Variants in SLC26A7 observed in about 807,000 individuals in gnomAD.
SLC26A7 encodes the protein anion exchange transporter.
SLC26A7 carries 59 observed loss-of-function variants against 82.5 expected under a neutral mutation model. The observed-to-expected ratio is 0.72, with a 90% CI of 0.58 to 0.89. The LOEUF is 0.89. SLC26A7 is among the 40% of genes least tolerant of loss of function. SLC26A7 has a pLI of 0.00. For missense variants in SLC26A7, 820 were observed against 793.0 expected (o/e 1.03, Z -0.41); for synonymous variants, 271 against 274.3 (o/e 0.99, Z 0.12).
intron 3 of SLC26A7, among the ~76,000 whole-genome samples, chr8:91,293,405 G>T (rs550284324): frequency 6.6e-6 from 1 of 152,308 alleles, no homozygotes; most frequent in South Asian, 2.1e-4. Flanking sequence ...AATATAGAAT[G>T]TCATCCACAA....
intron 2 of SLC26A7, among the ~76,000 whole-genome samples, chr8:91,233,335 G>A (rs373641954): frequency 5.3e-4 from 81 of 152,262 alleles, no homozygotes; most frequent in African/African-American, 1.9e-3. Context: ...GGGAGGCCGA[G>A]GCAGGTGGAT....
At chr8:91,240,472 T>G (rs752278876) in intron 2 of SLC26A7, among the ~76,000 whole-genome samples, 2 of 152,176 alleles carry the variant, frequency 1.3e-5, no homozygotes, top group Non-Finnish European at 1.5e-5. Flanking sequence ...TTTCTTAAAA[T>G]TTTGCATTTT....
intron 2 of SLC26A7, among the ~76,000 whole-genome samples, chr8:91,236,935 A>G (rs923941565): frequency 6.6e-6 from 1 of 152,216 alleles, no homozygotes; most frequent in Non-Finnish European, 1.5e-5. Context: ...CTGTAACAAC[A>G]TTTGTGCTTT....
rs1227815557 is a variant in SLC26A7 at position 91,395,211 on chromosome 8, A to G, written c.*114A>G. The G allele has an allele frequency of 5.2e-6, 8 of 1,548,118 alleles. No individual in the cohort carries two copies. The highest frequency in any genetic ancestry group is 7.0e-6 in the Non-Finnish European group (8 of 1,150,430). ...GATCCTACAGATGACCTCTGCTACA[A>G]TAAGTACGATGTGACTTAGTAACTG... On this transcript the variant is annotated 3_prime_UTR_variant, in exon 19 of 19. Coordinates refer to ENST00000276609, the MANE Select transcript of SLC26A7 (RefSeq NM_052832.4).
At chr8:91,223,309 G>A (rs1391601418) in intron 2 of SLC26A7, among the ~76,000 whole-genome samples, 1 of 151,880 alleles carries the variant, frequency 6.6e-6, no homozygotes. Flanking sequence ...TTTTTGGAGG[G>A]TTTTTCATGT....
At chr8:91,280,523 C>T (rs3923274) in intron 2 of SLC26A7, among the ~76,000 whole-genome samples, 15,592 of 152,220 alleles carry the variant, frequency 0.1, 921 homozygotes, top group Middle Eastern at 0.2. Context: ...TTGTTCCCCT[C>T]GTGCTCTATT....
At chr8:91,243,963 A>G (rs949646853) in intron 2 of SLC26A7, among the ~76,000 whole-genome samples, 1 of 152,246 alleles carries the variant, frequency 6.6e-6, no homozygotes, top group African/African-American at 2.4e-5. Flanking sequence ...GAATAACTGA[A>G]GGAACTTAGT....
At chr8:91,357,833 A>G (rs1372334561) in intron 11 of SLC26A7, among the ~76,000 whole-genome samples, 3 of 152,212 alleles carry the variant, frequency 2.0e-5, no homozygotes, top group Non-Finnish European at 4.4e-5. Context: ...ACCTACAAAA[A>G]TGGGAGAAAA....
At position 91,315,859 on chromosome 8, in the gene SLC26A7, G is replaced by A. The variant is rs535638117; in HGVS notation, c.478-2357G>A. On this transcript the variant is annotated intron_variant, in intron 4 of 18. Transcript: ENST00000276609. Reference sequence around the variant, plus strand: ...ACATCATAGGTTAAACATTTTACAGGTTTCGAATACCTTGCATGTATTATT... The same window carrying A: ...ACATCATAGGTTAAACATTTTACAGATTTCGAATACCTTGCATGTATTATT... Among the ~76,000 whole-genome samples the A allele has an allele frequency of 2.6e-5, 4 of 152,172 alleles. No individual in the cohort carries two copies. In the South Asian group the frequency reaches 8.3e-4, roughly 32 times the overall value.
chr8:91,366,101 T>A (rs1159013535), intron 13 of SLC26A7, among the ~76,000 whole-genome samples: 3 of 152,206 alleles, frequency 2.0e-5, no homozygotes, highest in African/African-American at 7.2e-5. Flanking sequence ...GTCTTCAAAT[T>A]AGGACTGTTA....
chr8:91,266,726 CTTTA>C (rs1267928119), intron 2 of SLC26A7, among the ~76,000 whole-genome samples: 2 of 151,818 alleles, frequency 1.3e-5, no homozygotes, highest in African/African-American at 4.8e-5. Flanking sequence ...TTTGAATGCC[CTTTA>C]TTTGTTTCTC....
chr8:91,352,686 A>G (rs1813749805), intron 10 of SLC26A7, among the ~76,000 whole-genome samples: 1 of 152,084 alleles, frequency 6.6e-6, no homozygotes, highest in Non-Finnish European at 1.5e-5. Context: ...AATTGTACAA[A>G]TATTACCTTA....
At chr8:91,259,246 C>T (rs572957946) in intron 2 of SLC26A7, among the ~76,000 whole-genome samples, 121 of 152,158 alleles carry the variant, frequency 8.0e-4, no homozygotes, top group Non-Finnish European at 1.2e-3. Context: ...CAACAATAGG[C>T]TGAAGTTGAC....
In SLC26A7 at chr8:91,289,159, T is replaced by C; in HGVS notation, c.217T>C (p.Ser73Pro). ...AGGATTGGCCTTTGCTGTTCTCTCA[T>C]CTGTGCACCCAGTGTTTGGTTTATA... Reference protein sequence around the residue: ...TQGLAFAVLSSVHPVFGLYGS... With the variant: ...TQGLAFAVLSPVHPVFGLYGS... Residue 73 changes from serine (S) to proline (P), a missense_variant, in exon 3 of 19, where the codon TCT (serine) becomes CCT (proline). Coordinates refer to ENST00000276609, the MANE Select transcript of SLC26A7 (RefSeq NM_052832.4). 1 of 1,614,044 alleles carries C rather than the reference T, an allele frequency of 6.2e-7. No homozygotes were observed. Among genetic ancestry groups the C allele is most frequent in the African/African-American group, 1.3e-5 (1 of 75,060 alleles).
At chr8:91,298,525 G>T (rs1812076687) in intron 4 of SLC26A7, among the ~76,000 whole-genome samples, 3 of 151,974 alleles carry the variant, frequency 2.0e-5, no homozygotes, top group Non-Finnish European at 4.4e-5. Flanking sequence ...GTATTAATAC[G>T]ATCTTCAAGC....
chr8:91,221,820 G>A (rs1810164726), intron 2 of SLC26A7, among the ~76,000 whole-genome samples: 2 of 152,092 alleles, frequency 1.3e-5, no homozygotes, highest in Admixed American at 1.3e-4. Context: ...CTGTAGCTTT[G>A]TTCTTTTTGC....
intron 1 of SLC26A7, among the ~76,000 whole-genome samples, chr8:91,217,904 G>A (rs990269155): frequency 2.0e-5 from 3 of 152,156 alleles, no homozygotes; most frequent in African/African-American, 2.4e-5. Context: ...TCCTCTAAGT[G>A]CTTCACAGCC....
chr8:91,384,939 A>G (rs1196309630), intron 15 of SLC26A7, among the ~76,000 whole-genome samples: 2 of 152,210 alleles, frequency 1.3e-5, no homozygotes, highest in African/African-American at 4.8e-5. Flanking sequence ...TATCAACAGA[A>G]AATACTTTCT....
chr8:91,287,383 C>T (rs539847503), intron 2 of SLC26A7, among the ~76,000 whole-genome samples: 27 of 152,268 alleles, frequency 1.8e-4, no homozygotes, highest in Admixed American at 1.4e-3. Context: ...TAGCTATTCA[C>T]GCTATTCATA....
Sources: allele counts gnomAD v4.1 joint callset (sites outside exome capture counted in the v4.1 genomes callset), GRCh38; gene constraint gnomAD v4.1.1; transcripts MANE v1.5; gene names NCBI Gene and HGNC (gene_info 2026-07-23, HGNC 2026-07-21).